PSMA8: variants seen among roughly 807,000 people sequenced by gnomAD.
The protein encoded by PSMA8 is proteasome 20S subunit alpha 8, also known as proteasome subunit alpha-type 8.
A neutral mutation model predicts 32.4 loss-of-function variants in PSMA8; 18 were observed. That is an observed-to-expected ratio of 0.56 (90% CI 0.38 to 0.82). The LOEUF (loss-of-function observed/expected upper bound fraction) is 0.82. Among genes scored for constraint, PSMA8 ranks in the 40% least tolerant of loss-of-function variants. The pLI is 0.00. For missense variants in PSMA8, 298 were observed against 300.7 expected (o/e 0.99, Z 0.07); for synonymous variants, 104 against 98.1 (o/e 1.06, Z -0.36).
chr18:26,156,502 T>C (rs1598651844), intron 3 of PSMA8, among the ~76,000 whole-genome samples: 2 of 152,118 alleles, frequency 1.3e-5, no homozygotes, highest in East Asian at 3.9e-4. Context: ...ATTCTGTCAT[T>C]CGTTATAACG....
chr18:26,142,309 A>G (rs186804913), intron 1 of PSMA8, among the ~76,000 whole-genome samples: 58 of 152,210 alleles, frequency 3.8e-4, no homozygotes, highest in Admixed American at 7.2e-4. Context: ...CAATAATGCT[A>G]CTTTATAACA....
chr18:26,152,134 A>G (rs1411431120), intron 3 of PSMA8, 152 bp downstream of exon 3: 2 of 490,062 alleles, frequency 4.1e-6, no homozygotes, highest in Admixed American at 4.1e-5. Flanking sequence ...TCATATTTTT[A>G]TTCCAGTAAA....
chr18:26,190,979 C>T (rs929330061), intron 6 of PSMA8, among the ~76,000 whole-genome samples: 6 of 152,086 alleles, frequency 3.9e-5, no homozygotes, highest in Admixed American at 6.5e-5. Context: ...TTTCATAAAA[C>T]GTTCAAATAA....
At chr18:26,169,195 T>C (rs1598661066) in intron 4 of PSMA8, among the ~76,000 whole-genome samples, 1 of 131,798 alleles carries the variant, frequency 7.6e-6, no homozygotes, top group East Asian at 2.2e-4. Flanking sequence ...TTGCCCAAGC[T>C]GGTCTCAAGT....
intron 6 of PSMA8, among the ~76,000 whole-genome samples, chr18:26,191,554 G>A (rs769850963): frequency 1.2e-5 from 1 of 86,306 alleles, no homozygotes; most frequent in Non-Finnish European, 2.2e-5. Context: ...AGGAGACTGA[G>A]GTGGGAGAAT....
intron 5 of PSMA8, 42 bp from the exon 6 acceptor site, chr18:26,179,026 A>G: frequency 6.2e-7 from 1 of 1,606,362 alleles, no homozygotes; most frequent in Non-Finnish European, 8.5e-7. Context: ...TAAACACAAA[A>G]TTTGCTGAAA....
At chr18:26,180,017 G>T (rs1161593953) in intron 6 of PSMA8, among the ~76,000 whole-genome samples, 3 of 152,068 alleles carry the variant, frequency 2.0e-5, no homozygotes, top group African/African-American at 7.2e-5. Context: ...CTGGGAGGCT[G>T]AGGCGGATGG....
At chr18:26,134,957 G>GA (rs71169817) in intron 1 of PSMA8, among the ~76,000 whole-genome samples, 2,252 of 141,168 alleles carry the variant, frequency 0.016, 36 homozygotes, top group African/African-American at 0.04. Flanking sequence ...TCCGTCTCGG[G>GA]AAAAAAAAAA....
intron 6 of PSMA8, among the ~76,000 whole-genome samples, chr18:26,184,235 C>G (rs562890728): frequency 6.6e-6 from 1 of 150,622 alleles, no homozygotes; most frequent in Admixed American, 6.6e-5. Flanking sequence ...AATATGTAGT[C>G]TGTTTCAGTC....
At chr18:26,147,210 C>CAA (rs57358976) in intron 2 of PSMA8, among the ~76,000 whole-genome samples, 3,718 of 47,302 alleles carry the variant, frequency 0.079, 392 homozygotes, top group African/African-American at 0.22. Context: ...CACCCTGTCT[C>CAA]AAAAAAAAAA....
chr18:26,153,121 T>C (rs2055059842), intron 3 of PSMA8, among the ~76,000 whole-genome samples: 1 of 151,380 alleles, frequency 6.6e-6, no homozygotes, highest in Non-Finnish European at 1.5e-5. Flanking sequence ...TCTACAACTA[T>C]TTTTTTTTAC....
chr18:26,165,292 G>A (rs1410313156), intron 4 of PSMA8, among the ~76,000 whole-genome samples: 1 of 152,188 alleles, frequency 6.6e-6, no homozygotes, highest in Non-Finnish European at 1.5e-5. Flanking sequence ...GCATTAAAAT[G>A]TGTGTGTATG....
At chr18:26,153,527 T>A (rs991229246) in intron 3 of PSMA8, among the ~76,000 whole-genome samples, 2 of 152,218 alleles carry the variant, frequency 1.3e-5, no homozygotes, top group Non-Finnish European at 2.9e-5. Flanking sequence ...TGCAAATAAG[T>A]ATCACACAGT....
intron 4 of PSMA8, among the ~76,000 whole-genome samples, chr18:26,163,313 A>G (rs1415061271): frequency 6.8e-6 from 1 of 146,446 alleles, no homozygotes; most frequent in African/African-American, 2.6e-5. Context: ...AATGACTGAT[A>G]TACACAAGGT....
chr18:26,172,811 C>G (rs1187899014), intron 4 of PSMA8, among the ~76,000 whole-genome samples: 1 of 152,160 alleles, frequency 6.6e-6, no homozygotes, highest in Non-Finnish European at 1.5e-5. Flanking sequence ...ATTGGTGGCA[C>G]AGAGGAAGCA....
intron 1 of PSMA8, among the ~76,000 whole-genome samples, chr18:26,138,993 G>A (rs1456492137): frequency 6.6e-6 from 1 of 152,192 alleles, no homozygotes; most frequent in African/African-American, 2.4e-5. Flanking sequence ...TATGGAAACT[G>A]TAGCAGACAG....
chr18:26,161,777 A>G (rs1454101939), intron 4 of PSMA8, among the ~76,000 whole-genome samples: 2 of 152,184 alleles, frequency 1.3e-5, no homozygotes, highest in Non-Finnish European at 2.9e-5. Context: ...AGTTAAGTCC[A>G]TAGGTGGGAG....
intron 1 of PSMA8, among the ~76,000 whole-genome samples, chr18:26,142,784 A>G (rs976420901): frequency 6.6e-6 from 1 of 152,214 alleles, no homozygotes; most frequent in Admixed American, 6.5e-5. Context: ...AAGCGCAAAC[A>G]AGCTCTCTTA....
Position 26,160,099 on chromosome 18 carries a change from C to T in PSMA8, c.477+1855C>T, listed in dbSNP as rs28689714. On this transcript the variant is annotated intron_variant, in intron 4 of 6. Transcript: ENST00000415576. ...AAAGGATTACTTGAATGCAGGAGTTCGAGACCACCCTGGGCAATGTAATAA... is the reference window on the plus strand; with the variant it reads ...AAAGGATTACTTGAATGCAGGAGTTTGAGACCACCCTGGGCAATGTAATAA... Among the ~76,000 whole-genome samples the T allele has an allele frequency of 4.1e-3, 622 of 152,132 alleles. 1 individual carries two copies. Among genetic ancestry groups the T allele is most frequent in the African/African-American group, 0.011 (463 of 41,502 alleles).
Sources: gnomAD v4.1 joint callset for allele counts (sites outside exome capture counted in the v4.1 genomes callset) on GRCh38, gnomAD v4.1.1 for gene constraint, MANE v1.5 for transcripts, NCBI Gene and HGNC (gene_info 2026-07-23, HGNC 2026-07-21) for gene names.